TTC21B: variants seen among roughly 807,000 people sequenced by gnomAD.
TTC21B encodes the protein tetratricopeptide repeat protein 21B.
TTC21B carries 127 observed loss-of-function variants against 175.1 expected under a neutral mutation model. The ratio of observed to expected loss-of-function variants is 0.73; its 90% CI spans 0.63 to 0.84. The LOEUF (loss-of-function observed/expected upper bound fraction) is 0.84, where lower values mean the gene tolerates loss of function less well. Ranked by LOEUF, TTC21B falls within the 40% of genes least tolerant of loss-of-function variation. The pLI, the probability that TTC21B is intolerant of heterozygous loss-of-function variation, is 0.00. For missense variants in TTC21B, 1,561 were observed against 1,558.3 expected (o/e 1.00, Z -0.03); for synonymous variants, 524 against 524.5 (o/e 1.00, Z 0.01).
intron 22 of TTC21B, among the ~76,000 whole-genome samples, chr2:165,898,005 G>A (rs1685426419): frequency 6.6e-6 from 1 of 152,188 alleles, no homozygotes; most frequent in Non-Finnish European, 1.5e-5. Flanking sequence ...AGCAGTGGAT[G>A]AGACAAAGTG....
At chr2:165,931,648 T>C in intron 8 of TTC21B, 110 bp downstream of exon 8, 1 of 881,972 alleles carries the variant, frequency 1.1e-6, no homozygotes, top group African/African-American at 1.7e-5. Flanking sequence ...TATATTTAAA[T>C]ACATATTTGC....
At chr2:165,914,517 T>C (rs892148917) in intron 15 of TTC21B, among the ~76,000 whole-genome samples, 4 of 152,180 alleles carry the variant, frequency 2.6e-5, no homozygotes, top group African/African-American at 9.7e-5. Context: ...TTGAGTTTGA[T>C]ATAATATAGA....
chr2:165,890,725 CTG>C (rs1685159040), intron 23 of TTC21B, 85 bp from the exon 24 acceptor site: 3 of 1,547,006 alleles, frequency 1.9e-6, no homozygotes, highest in African/African-American at 1.4e-5. Context: ...GTAAATAAAA[CTG>C]TTGAATTATT....
chr2:165,937,048 A>G (rs1012063174), intron 6 of TTC21B, among the ~76,000 whole-genome samples: 5 of 152,102 alleles, frequency 3.3e-5, no homozygotes, highest in African/African-American at 1.2e-4. Context: ...AGCAATCAAG[A>G]TGTCCTTCAA....
At position 165,945,592 on chromosome 2, in the gene TTC21B, T is replaced by C. The variant is rs373353875; in HGVS notation, c.361A>G (p.Ile121Val). Residue 121 changes from isoleucine (I) to valine (V), a missense_variant, in exon 4 of 29, where the codon ATT becomes GTT. Coordinates refer to ENST00000243344, the MANE Select transcript of TTC21B (RefSeq NM_024753.5). ...TCCCTTGCTTTATCATGGCGACCAA[T>C]GTGCCATAAAAATAAGCCTGCATGG... ...LYHAGLFLWH[I>V]GRHDKAREYI... The C allele has an allele frequency of 6.8e-6, 11 of 1,613,726 alleles. No individual in the cohort carries two copies. In the African/African-American group the frequency reaches 8.0e-5, roughly 12 times the overall value.
At chr2:165,941,930 T>C (rs945095779) in intron 5 of TTC21B, among the ~76,000 whole-genome samples, 1 of 152,186 alleles carries the variant, frequency 6.6e-6, no homozygotes, top group Non-Finnish European at 1.5e-5. Context: ...CAGATGTTAT[T>C]GTATTTTCTG....
At chr2:165,947,462 A>G (rs1317227438) in intron 3 of TTC21B, 3 of 151,892 alleles carry the variant, frequency 2.0e-5, no homozygotes, top group African/African-American at 7.3e-5. Flanking sequence ...CTTAGCAAGA[A>G]GACCCTTTTC....
rs534540779 is a variant in TTC21B, at chr2:165,894,628, G to A, written c.2951-3640C>T. Among the ~76,000 whole-genome samples the A allele has an allele frequency of 1.6e-3, 245 of 152,276 alleles. 1 individual carries two copies. The highest frequency in any genetic ancestry group is 5.6e-3 in the African/African-American group (231 of 41,554). ...CTCACTCTGTCACCGAGGCTGGAGT[G>A]CAGTGGTGTGATCTTGGCTCACGGC... On this transcript the variant is annotated intron_variant, in intron 22 of 28. Transcript: ENST00000243344.
At chr2:165,937,135 A>T (rs1482432150) in intron 6 of TTC21B, among the ~76,000 whole-genome samples, 1 of 152,098 alleles carries the variant, frequency 6.6e-6, no homozygotes, top group Non-Finnish European at 1.5e-5. Flanking sequence ...AGTCATGAAA[A>T]GACATGGAAG....
chr2:165,917,262 C>T lies in TTC21B; in HGVS notation c.1894G>A (p.Glu632Lys). 1 of 1,613,950 alleles carries T rather than the reference C, an allele frequency of 6.2e-7. No homozygotes were observed. The highest frequency in any genetic ancestry group is 8.5e-7 in the Non-Finnish European group (1 of 1,179,858). ...TAAATTAAAACTTGACCTACCTGCTCTCCATTTAAGCGGTGAACGTCTATC... is the reference window on the plus strand; with the variant it reads ...TAAATTAAAACTTGACCTACCTGCTTTCCATTTAAGCGGTGAACGTCTATC... ...ELIDVHRLNG[E>K]QHEATKVLQD... Residue 632 changes from glutamate to lysine, a missense_variant, in exon 14 of 29, where the codon GAG becomes AAG. Coordinates refer to ENST00000243344, the MANE Select transcript of TTC21B (RefSeq NM_024753.5).
rs181328143 is a variant in TTC21B at position 165,929,861 on chromosome 2, G to A, written c.1088-114C>T. 191 of 766,692 alleles carry A rather than the reference G, an allele frequency of 2.5e-4. 5 individuals carry two copies. The Admixed American group carries it at 3.8e-3, about 15-fold the overall frequency. 47.5% of individuals were successfully genotyped at this position (766,692 alleles called of 1,614,324 possible). On this transcript the variant is annotated intron_variant, in intron 9 of 28. Transcript: ENST00000243344. ...CCTTTCCCCCATCACAATACTTAAC[G>A]TTTTAGATTAAAAACAACAGAAAGA...
Position 165,953,651 on chromosome 2 carries a change from G to GCCCGCCCGCCCGCCCGCTCA in TTC21B, c.21+33_21+34insTGAGCGGGCGGGCGGGCGGG, listed in dbSNP as rs569432248. On this transcript the variant is annotated intron_variant, in intron 1 of 28. Transcript: ENST00000243344. Reference sequence around the variant, plus strand: ...GGCCGCAAAGGAACTCCGCCCGCCCGCCCGCTCACCCGCTCACCCGCTCAC... The same window carrying GCCCGCCCGCCCGCCCGCTCA: ...GGCCGCAAAGGAACTCCGCCCGCCCGCCCGCCCGCCCGCCCGCTCACCCGCTCACCCGCTCACCCGCTCAC... The GCCCGCCCGCCCGCCCGCTCA allele has an allele frequency of 5.9e-5, 89 of 1,512,040 alleles. No individual in the cohort carries two copies. The East Asian group carries it at 8.3e-4, about 14-fold the overall frequency. 93.7% of individuals were successfully genotyped at this position (1,512,040 alleles called of 1,614,324 possible). A position where few individuals can be genotyped will look rare whatever the true frequency, so the allele number is the denominator to read the frequency against.
rs534202793 is a variant in TTC21B at position 165,950,728 on chromosome 2, A to G, written c.22-1004T>C. ...TAGGTTTAAGCGATTCTCCTGCCTC[A>G]GCCTCCTGATCTGGGACTATAGGCA... On this transcript the variant is annotated intron_variant, in intron 1 of 28. Coordinates refer to ENST00000243344, the MANE Select transcript of TTC21B (RefSeq NM_024753.5). Among the ~76,000 whole-genome samples, 3 of 152,114 alleles carry G rather than the reference A, an allele frequency of 2.0e-5. No homozygotes were observed. In the South Asian group the frequency reaches 6.2e-4, roughly 32 times the overall value.
intron 21 of TTC21B, 29 bp from the exon 22 acceptor site, chr2:165,898,796 T>G: frequency 7.4e-7 from 1 of 1,342,798 alleles, no homozygotes; most frequent in Non-Finnish European, 1.1e-6. Flanking sequence ...GTTCTAAAAA[T>G]ATTGCCATGT....
intron 22 of TTC21B, among the ~76,000 whole-genome samples, chr2:165,897,309 G>A (rs1021306687): frequency 6.6e-6 from 1 of 152,188 alleles, no homozygotes; most frequent in Non-Finnish European, 1.5e-5. Context: ...CAATGCCTTA[G>A]ACCAGGGTGG....
At position 165,931,825 on chromosome 2, in the gene TTC21B, G is replaced by T. The variant is rs1207174179; in HGVS notation, c.827C>A (p.Thr276Lys). The T allele has an allele frequency of 1.2e-6, 2 of 1,613,452 alleles. No homozygotes were observed. Among genetic ancestry groups the T allele is most frequent in the South Asian group, 2.2e-5 (2 of 91,064 alleles). ...ATTCTGTGGTTCCATGGCATCCAAT[G>T]TATTTCCCAAGTTTTCCAGCTTGGT... Reference protein sequence around the residue: ...ASTKLENLGNTLDAMEPQNAQ... With the variant: ...ASTKLENLGNKLDAMEPQNAQ... Residue 276 changes from threonine to lysine, a missense_variant, in exon 8 of 29, where the codon ACA becomes AAA. Coordinates refer to ENST00000243344, the MANE Select transcript of TTC21B (RefSeq NM_024753.5).
At chr2:165,928,758 C>CAG (rs1231735315) in intron 11 of TTC21B, 2 of 185,662 alleles carry the variant, frequency 1.1e-5, no homozygotes, top group East Asian at 3.0e-4. Flanking sequence ...ACAGGAAACA[C>CAG]AGGCTAACAA....
chr2:165,880,268 C>G (rs1684796659), intron 27 of TTC21B, among the ~76,000 whole-genome samples: 1 of 152,142 alleles, frequency 6.6e-6, no homozygotes, highest in South Asian at 2.1e-4. Flanking sequence ...CATGGCCCCT[C>G]TGTGATATCC....
At position 165,876,182 on chromosome 2, in the gene TTC21B, T is replaced by A. The variant is rs768117655; in HGVS notation, c.3856A>T (p.Ile1286Phe). ...YLKAKRYVDS[I>F]DICHQVLEAH... ...GTGTTTACCTGGTGACATATGTCAA[T>A]TGAATCCACATATCTTTTTGCTTTT... Residue 1286 changes from isoleucine to phenylalanine, a missense_variant, in exon 28 of 29, where the codon ATT (isoleucine) becomes TTT (phenylalanine). Transcript: ENST00000243344. 6.2e-7 allele frequency: 1 copy of A among 1,602,700 alleles called. No homozygotes were observed. Among genetic ancestry groups the A allele is most frequent in the Non-Finnish European group, 8.5e-7 (1 of 1,171,508 alleles).
Sources: gnomAD v4.1 joint callset for allele counts (sites outside exome capture counted in the v4.1 genomes callset) on GRCh38, gnomAD v4.1.1 for gene constraint, MANE v1.5 for transcripts, NCBI Gene and HGNC (gene_info 2026-07-23, HGNC 2026-07-21) for gene names.